Variants in DTNB observed in about 807,000 individuals in gnomAD.
DTNB encodes the protein DTN-B.
A neutral mutation model predicts 90.7 loss-of-function variants in DTNB; 63 were observed. The observed-to-expected ratio is 0.69, with a 90% CI of 0.57 to 0.86. The LOEUF is 0.86. Ranked by LOEUF, DTNB falls within the 40% of genes least tolerant of loss-of-function variation. The probability of loss-of-function intolerance (pLI) is 0.00; values close to 1 mark genes in which losing one functional copy is unlikely to be tolerated. For missense variants in DTNB, 744 were observed against 807.1 expected (o/e 0.92, Z 0.95); for synonymous variants, 277 against 286.7 (o/e 0.97, Z 0.34).
At chr2:25,463,245 C>G (rs1304043250) in intron 10 of DTNB, among the ~76,000 whole-genome samples, 2 of 152,192 alleles carry the variant, frequency 1.3e-5, no homozygotes, top group African/African-American at 4.8e-5. Context: ...CATCACTATA[C>G]CCAGCCATCA....
intron 5 of DTNB, among the ~76,000 whole-genome samples, chr2:25,600,046 T>C (rs2065531682): frequency 1.3e-5 from 2 of 152,126 alleles, no homozygotes; most frequent in South Asian, 4.1e-4. Flanking sequence ...TGCAGTGAGC[T>C]CTGATCATAC....
chr2:25,510,166 T>G (rs186849205), intron 9 of DTNB, among the ~76,000 whole-genome samples: 49 of 152,274 alleles, frequency 3.2e-4, no homozygotes, highest in Non-Finnish European at 5.7e-4. Context: ...ATTCCAATTA[T>G]CTGTAGGTTT....
chr2:25,487,716 G>A (rs2066484430), intron 9 of DTNB, among the ~76,000 whole-genome samples: 1 of 152,198 alleles, frequency 6.6e-6, no homozygotes, highest in Admixed American at 6.5e-5. Context: ...GAGAACCCTA[G>A]ATAGAAATAG....
In DTNB at chr2:25,525,056, TAA is replaced by T. The variant is rs1558878620; in HGVS notation, c.1001+6415_1001+6416del. ...GCAATGAAGAATGAATTACTCGTGGTAAAGTCATTCAATGGAATACCATTGGA... is the reference window on the plus strand; with the variant it reads ...GCAATGAAGAATGAATTACTCGTGGTAGTCATTCAATGGAATACCATTGGA... On this transcript the variant is annotated intron_variant, in intron 9 of 20. Transcript: ENST00000406818. Among the ~76,000 whole-genome samples the T allele has an allele frequency of 4.6e-5, 7 of 152,360 alleles. No individual in the cohort carries two copies. In the South Asian group the frequency reaches 1.4e-3, roughly 32 times the overall value.
intron 1 of DTNB, among the ~76,000 whole-genome samples, chr2:25,667,402 T>C (rs2149056978): frequency 6.6e-6 from 1 of 151,932 alleles, no homozygotes; most frequent in African/African-American, 2.4e-5. Context: ...GGCAGGAGAA[T>C]CGCTTGAACC....
At chr2:25,670,553 T>C (rs2085594486) in intron 1 of DTNB, among the ~76,000 whole-genome samples, 1 of 152,084 alleles carries the variant, frequency 6.6e-6, no homozygotes, top group Non-Finnish European at 1.5e-5. Flanking sequence ...ACCTGCAGAG[T>C]TGCAGCACAC....
intron 15 of DTNB, among the ~76,000 whole-genome samples, chr2:25,422,264 A>C (rs1410362136): frequency 6.6e-6 from 1 of 152,230 alleles, no homozygotes; most frequent in Non-Finnish European, 1.5e-5. Flanking sequence ...AGGTGGCCAA[A>C]GCAATGACAT....
intron 9 of DTNB, among the ~76,000 whole-genome samples, chr2:25,484,688 C>T (rs1384612995): frequency 6.6e-6 from 1 of 152,174 alleles, no homozygotes; most frequent in Non-Finnish European, 1.5e-5. Context: ...AGCCATAGTA[C>T]TATGCTTATT....
chr2:25,539,534 A>T (rs1053368749), intron 8 of DTNB, among the ~76,000 whole-genome samples: 1 of 149,468 alleles, frequency 6.7e-6, no homozygotes, highest in African/African-American at 2.5e-5. Flanking sequence ...TTCTTCTGTG[A>T]AATGCCTGTT....
rs567408272 is a variant in DTNB, at chr2:25,390,441, C to T, written c.1576-2080G>A. ...AAACTTTTTCTTTTCTTTTTCTTTT[C>T]GTCTTCTCTTTTTTTTTTTTGAGAT... On this transcript the variant is annotated intron_variant, in intron 16 of 20. Transcript: ENST00000406818. Among the ~76,000 whole-genome samples, 7 of 151,462 alleles carry T rather than the reference C, an allele frequency of 4.6e-5. No homozygotes were observed. The South Asian group carries it at 6.2e-4, about 14-fold the overall frequency.
chr2:25,619,662 AAAT>A (rs2071883081), intron 4 of DTNB, among the ~76,000 whole-genome samples: 1 of 152,196 alleles, frequency 6.6e-6, no homozygotes, highest in Non-Finnish European at 1.5e-5. Context: ...TTAAAGGCCA[AAAT>A]AATAATATAA....
chr2:25,567,149 C>A lies in DTNB; in HGVS notation c.876+9689G>T, dbSNP rs79208648. 8.3e-3 allele frequency among the ~76,000 whole-genome samples: 1,257 copies of A among 152,176 alleles called. 6 individuals are homozygous for A. The highest frequency in any genetic ancestry group is 0.013 in the Non-Finnish European group (853 of 68,002). ...TGCTTGCCACAAGTGGGGATATTGT[C>A]TTATAAGTTAAAAAAAAATTGTCTA... On this transcript the variant is annotated intron_variant, in intron 8 of 20. Transcript: ENST00000406818.
At chr2:25,455,128 G>T (rs6733060) in intron 11 of DTNB, among the ~76,000 whole-genome samples, 1 of 151,954 alleles carries the variant, frequency 6.6e-6, no homozygotes, top group African/African-American at 2.4e-5. Context: ...ATCCCTCATA[G>T]GTTTATATAT....
chr2:25,535,888 G>A (rs1440315756), intron 8 of DTNB, among the ~76,000 whole-genome samples: 2 of 145,978 alleles, frequency 1.4e-5, no homozygotes, highest in Admixed American at 6.8e-5. Flanking sequence ...GGGCGGCCAG[G>A]CAGAGGTGCT....
chr2:25,467,224 C>T (rs2061947181), intron 10 of DTNB, among the ~76,000 whole-genome samples: 1 of 152,070 alleles, frequency 6.6e-6, no homozygotes, highest in African/African-American at 2.4e-5. Context: ...GTACCTTTGA[C>T]TACTGCTACT....
chr2:25,613,893 G>A (rs1407463611), intron 4 of DTNB, among the ~76,000 whole-genome samples: 1 of 152,168 alleles, frequency 6.6e-6, no homozygotes, highest in Non-Finnish European at 1.5e-5. Context: ...AGGAAGTGGA[G>A]GTTGCAGTGA....
At chr2:25,435,938 C>T (rs569607493) in intron 12 of DTNB, among the ~76,000 whole-genome samples, 35 of 152,268 alleles carry the variant, frequency 2.3e-4, no homozygotes, top group East Asian at 5.8e-4. Flanking sequence ...GTATGTTGAG[C>T]GTACTTTCAT....
intron 9 of DTNB, among the ~76,000 whole-genome samples, chr2:25,514,973 G>T (rs1330574717): frequency 1.3e-5 from 2 of 151,982 alleles, no homozygotes; most frequent in South Asian, 2.1e-4. Flanking sequence ...GTGAGTCACC[G>T]CGCCCAGCTG....
chr2:25,398,767 G>T lies in DTNB; in HGVS notation c.1576-10406C>A, dbSNP rs114318224. On this transcript the variant is annotated intron_variant, in intron 16 of 20. Coordinates refer to ENST00000406818, the MANE Select transcript of DTNB (RefSeq NM_021907.5). ...TCTGATTGGCTCCTGCTGGTCCCCTGGGCATCAGTCTCACTACTATCTCCT... is the reference window on the plus strand; with the variant it reads ...TCTGATTGGCTCCTGCTGGTCCCCTTGGCATCAGTCTCACTACTATCTCCT... Among the ~76,000 whole-genome samples, 869 of 152,140 alleles carry T rather than the reference G, an allele frequency of 5.7e-3. 10 individuals carry two copies. The highest frequency in any genetic ancestry group is 0.02 in the Middle Eastern group (6 of 294).
Sources: allele counts gnomAD v4.1 joint callset (sites outside exome capture counted in the v4.1 genomes callset), GRCh38; gene constraint gnomAD v4.1.1; transcripts MANE v1.5; gene names NCBI Gene and HGNC (gene_info 2026-07-23, HGNC 2026-07-21).